Variants in ZNRF2 observed in about 807,000 individuals in gnomAD.
ZNRF2 encodes the protein zinc and ring finger 2, also known as E3 ubiquitin-protein ligase ZNRF2.
A neutral mutation model predicts 20.4 loss-of-function variants in ZNRF2; 16 were observed. That is an observed-to-expected ratio of 0.79 (90% CI 0.53 to 1.19). The LOEUF (loss-of-function observed/expected upper bound fraction) is 1.19. Ranked by LOEUF, ZNRF2 falls within the 50% of genes most tolerant of loss-of-function variation. The pLI, the probability that ZNRF2 is intolerant of heterozygous loss-of-function variation, is 0.00. For missense variants in ZNRF2, 363 were observed against 332.4 expected, an observed-to-expected ratio of 1.09 and a Z score of -0.72; for synonymous variants, 178 against 144.9, an observed-to-expected ratio of 1.23 and a Z score of -1.64.
chr7:30,319,710 A>G (rs1418605359), intron 1 of ZNRF2, among the ~76,000 whole-genome samples: 1 of 152,220 alleles, frequency 6.6e-6, no homozygotes, highest in East Asian at 1.9e-4. Context: ...TTAGTAGGAT[A>G]CTGGTGACCA....
chr7:30,306,117 T>C (rs2128058880), intron 1 of ZNRF2, among the ~76,000 whole-genome samples: 1 of 152,310 alleles, frequency 6.6e-6, no homozygotes, highest in Admixed American at 6.5e-5. Flanking sequence ...TGAGATAATG[T>C]AGCATTTAGC....
intron 1 of ZNRF2, among the ~76,000 whole-genome samples, chr7:30,296,876 A>C (rs1799028090): frequency 6.6e-6 from 1 of 152,210 alleles, no homozygotes; most frequent in African/African-American, 2.4e-5. Context: ...CTTCATAAGC[A>C]CTGTCTCTTT....
At chr7:30,356,796 C>G (rs1287555664) in intron 3 of ZNRF2, among the ~76,000 whole-genome samples, 3 of 149,700 alleles carry the variant, frequency 2.0e-5, no homozygotes, top group Non-Finnish European at 4.4e-5. Flanking sequence ...AGCTCCGCCT[C>G]CTGGGTTCAC....
Position 30,285,099 on chromosome 7 carries a change from G to T in ZNRF2, c.-259G>T, listed in dbSNP as rs1212174235. The T allele has an allele frequency of 4.3e-5, 18 of 415,610 alleles. No individual in the cohort carries two copies. Among genetic ancestry groups the T allele is most frequent in the Admixed American group, 4.1e-4 (15 of 36,832 alleles). 25.7% of individuals were successfully genotyped at this position (415,610 alleles called of 1,614,324 possible). ...CTTCCTGCTGGAGCCAGCGAGGGGT[G>T]CCTGCAGCCGGGACCCCTTCCTCTC... is the stretch of plus-strand genomic sequence containing the variant. On this transcript the variant is annotated 5_prime_UTR_variant, in exon 1 of 5. Transcript: ENST00000323037.
intron 1 of ZNRF2, chr7:30,288,755 C>T (rs2128054186): frequency 6.6e-6 from 1 of 152,274 alleles, no homozygotes; most frequent in African/African-American, 2.4e-5. Flanking sequence ...TTATTCTTTT[C>T]AGACTGAGGA....
intron 1 of ZNRF2, chr7:30,289,872 A>G (rs377130215): frequency 3.7e-6 from 2 of 534,400 alleles, no homozygotes; most frequent in African/African-American, 1.9e-5. Flanking sequence ...TCCCTCAGGC[A>G]CATCTCCAAC....
At chr7:30,339,621 A>G (rs1458701249) in intron 2 of ZNRF2, among the ~76,000 whole-genome samples, 3 of 152,126 alleles carry the variant, frequency 2.0e-5, no homozygotes, top group Middle Eastern at 3.4e-3. Flanking sequence ...CCATTGCTCT[A>G]TATATCTGTT....
At chr7:30,337,183 G>T (rs1799730185) in intron 2 of ZNRF2, among the ~76,000 whole-genome samples, 1 of 152,032 alleles carries the variant, frequency 6.6e-6, no homozygotes, top group Non-Finnish European at 1.5e-5. Flanking sequence ...TATGACTTAT[G>T]TTCTTTTCGG....
chr7:30,346,850 TA>T (rs1033224203), intron 2 of ZNRF2, among the ~76,000 whole-genome samples: 8 of 152,268 alleles, frequency 5.3e-5, no homozygotes, highest in Non-Finnish European at 7.4e-5. Flanking sequence ...ATTTTAATAT[TA>T]GAGTTTTTAG....
At chr7:30,286,975 A>T (rs1422648955) in intron 1 of ZNRF2, among the ~76,000 whole-genome samples, 1 of 152,238 alleles carries the variant, frequency 6.6e-6, no homozygotes, top group African/African-American at 2.4e-5. Context: ...ATCAGCACAC[A>T]CGCCAGCATA....
chr7:30,294,764 GA>G (rs34520411), intron 1 of ZNRF2, among the ~76,000 whole-genome samples: 7,067 of 151,996 alleles, frequency 0.046, 337 homozygotes, highest in African/African-American at 0.13. Flanking sequence ...CAGCCTGGGT[GA>G]CAGAGCAAGA....
At chr7:30,340,968 G>A (rs1799786780) in intron 2 of ZNRF2, among the ~76,000 whole-genome samples, 1 of 152,008 alleles carries the variant, frequency 6.6e-6, no homozygotes, top group Non-Finnish European at 1.5e-5. Context: ...TTTAGTTTTG[G>A]GAAGGTATCT....
chr7:30,289,354 G>A (rs2128054377), intron 1 of ZNRF2, among the ~76,000 whole-genome samples: 1 of 152,338 alleles, frequency 6.6e-6, no homozygotes, highest in Admixed American at 6.5e-5. Flanking sequence ...GTTTTATGGT[G>A]TTAGGTTATC....
intron 4 of ZNRF2, among the ~76,000 whole-genome samples, chr7:30,365,147 CTTTTTTTTTTTT>C (rs533354831): frequency 1.1e-4 from 8 of 70,340 alleles, no homozygotes; most frequent in African/African-American, 1.8e-4. Flanking sequence ...AGCTGATAAG[CTTTTTTTTTTTT>C]TTTTTTTTTT....
At chr7:30,333,355 T>C (rs1010295956) in intron 2 of ZNRF2, among the ~76,000 whole-genome samples, 2 of 147,706 alleles carry the variant, frequency 1.4e-5, no homozygotes, top group Non-Finnish European at 3.0e-5. Context: ...CGCCTGGCCA[T>C]ATTTTGACTT....
chr7:30,299,170 G>A (rs988509464), intron 1 of ZNRF2, among the ~76,000 whole-genome samples: 1 of 152,092 alleles, frequency 6.6e-6, no homozygotes, highest in Non-Finnish European at 1.5e-5. Context: ...GCTCACGCCT[G>A]TAATCCCAGC....
At chr7:30,297,217 C>T (rs1799033553) in intron 1 of ZNRF2, among the ~76,000 whole-genome samples, 1 of 152,182 alleles carries the variant, frequency 6.6e-6, no homozygotes, top group Non-Finnish European at 1.5e-5. Context: ...GCCTGAATTT[C>T]ATTTTCTTGT....
intron 4 of ZNRF2, among the ~76,000 whole-genome samples, chr7:30,365,147 C>CTTTTT (rs533354831): frequency 2.3e-4 from 16 of 70,328 alleles, no homozygotes; most frequent in Non-Finnish European, 3.2e-4. Flanking sequence ...AGCTGATAAG[C>CTTTTT]TTTTTTTTTT....
chr7:30,286,890 T>C (rs1798800199), intron 1 of ZNRF2, among the ~76,000 whole-genome samples: 1 of 152,224 alleles, frequency 6.6e-6, no homozygotes, highest in African/African-American at 2.4e-5. Context: ...TACTTATATA[T>C]TTGTAAACGT....
Sources: gnomAD v4.1 joint callset for allele counts (sites outside exome capture counted in the v4.1 genomes callset) on GRCh38, gnomAD v4.1.1 for gene constraint, MANE v1.5 for transcripts, NCBI Gene and HGNC (gene_info 2026-07-23, HGNC 2026-07-21) for gene names.